ATG7: variants seen among roughly 807,000 people sequenced by gnomAD.
ATG7 encodes the protein ubiquitin-like modifier-activating enzyme ATG7.
In ATG7, 70 loss-of-function variants were observed where a neutral mutation model predicts 82.4. That is an observed-to-expected ratio of 0.85 (90% CI 0.70 to 1.04). The LOEUF (loss-of-function observed/expected upper bound fraction) is 1.04. Ranked by LOEUF, ATG7 falls within the 50% of genes least tolerant of loss-of-function variation. ATG7 has a pLI of 0.00. For synonymous variants in ATG7, 287 were observed against 313.0 expected (o/e 0.92, Z 0.88); for missense variants, 792 against 864.3 (o/e 0.92, Z 1.05).
chr3:11,375,554 AG>A (rs1374871173), intron 18 of ATG7, among the ~76,000 whole-genome samples: 1 of 110,180 alleles, frequency 9.1e-6, no homozygotes, highest in Non-Finnish European at 2.3e-5. Context: ...TTTGCTAGTG[AG>A]ATTTTTTTTT....
chr3:11,483,393 C>T (rs535242441), intron 20 of ATG7, among the ~76,000 whole-genome samples: 1 of 151,308 alleles, frequency 6.6e-6, no homozygotes, highest in African/African-American at 2.4e-5. Flanking sequence ...ACTGAGCTCC[C>T]AACACGCACA....
chr3:11,560,567 G>A (rs549326997), downstream of ATG7, among the ~76,000 whole-genome samples: 14 of 152,314 alleles, frequency 9.2e-5, no homozygotes, highest in African/African-American at 3.1e-4. Flanking sequence ...CATGATAGAC[G>A]ACAGTGATTG....
At chr3:11,498,277 A>G (rs895003816) in intron 20 of ATG7, among the ~76,000 whole-genome samples, 1 of 152,202 alleles carries the variant, frequency 6.6e-6, no homozygotes, top group Non-Finnish European at 1.5e-5. Context: ...CAAAACAGCA[A>G]TCTTCCCAGC....
At chr3:11,468,968 G>A (rs1294800801) in intron 20 of ATG7, among the ~76,000 whole-genome samples, 1 of 152,202 alleles carries the variant, frequency 6.6e-6, no homozygotes, top group Non-Finnish European at 1.5e-5. Context: ...AGCTGAAGCG[G>A]TGCACAGCTG....
intron 20 of ATG7, among the ~76,000 whole-genome samples, chr3:11,445,016 C>T (rs2084383226): frequency 6.6e-6 from 1 of 152,202 alleles, no homozygotes; most frequent in Non-Finnish European, 1.5e-5. Flanking sequence ...ATACATCTCA[C>T]ACCAGTCAGA....
At chr3:11,401,184 G>A (rs2079802569) in intron 19 of ATG7, among the ~76,000 whole-genome samples, 1 of 152,170 alleles carries the variant, frequency 6.6e-6, no homozygotes, top group Admixed American at 6.5e-5. Context: ...AGCTACTTCT[G>A]TTTTAACAAG....
Position 11,488,347 on chromosome 3 carries a change from G to T in ATG7, c.2079+61421G>T, listed in dbSNP as rs564918238. 5.1e-5 allele frequency: 31 copies of T among 607,644 alleles called. No homozygotes were observed. In the African/African-American group the frequency reaches 6.1e-4, roughly 12 times the overall value. 37.6% of individuals were successfully genotyped at this position (607,644 alleles called of 1,614,324 possible). ...GGGTCCGTCCGCTCCTCCAGCCGCT[G>T]CCTCCCGGGCGGCACTCGCCGGCGC... On this transcript the variant is annotated intron_variant, in intron 20 of 20. Transcript: ENST00000693202.
intron 11 of ATG7, among the ~76,000 whole-genome samples, chr3:11,335,269 C>A (rs1018537008): frequency 6.6e-6 from 1 of 151,866 alleles, no homozygotes; most frequent in African/African-American, 2.4e-5. Context: ...TTTATTAAAC[C>A]ACACTTAAAG....
chr3:11,434,451 C>T (rs774926495), intron 20 of ATG7, among the ~76,000 whole-genome samples: 8 of 152,166 alleles, frequency 5.3e-5, no homozygotes, highest in Admixed American at 2.0e-4. Context: ...GGACTGTGCC[C>T]TGCCTTGATT....
rs2079135369 is a variant in ATG7, at chr3:11,395,490, TG to T, written c.1956+15443del. On this transcript the variant is annotated intron_variant, in intron 19 of 20. Transcript: ENST00000693202. ...GAATATAAAGACATCTTAAAAGCAG[TG>T]GGGGATGGGGAAAAGACATTAACTT... Among the ~76,000 whole-genome samples, 3 of 152,002 alleles carry T rather than the reference TG, an allele frequency of 2.0e-5. 1 individual carries two copies. The South Asian group carries it at 6.3e-4, about 32-fold the overall frequency.
chr3:11,331,208 G>A (rs1242535435), intron 9 of ATG7, 132 bp from the exon 10 acceptor site: 1 of 740,234 alleles, frequency 1.4e-6, no homozygotes, highest in African/African-American at 1.8e-5. Context: ...CCTCCCCTTA[G>A]CCCTTTACCA....
chr3:11,336,036 A>ATTTTT lies in ATG7; in HGVS notation c.889+2962_889+2966dup, dbSNP rs541306159. On this transcript the variant is annotated intron_variant, in intron 11 of 20. Transcript: ENST00000693202. ...CAGGCATGAGCCACTGTGCCCGGTC[A>ATTTTT]TTTTTTTTTTTTTTTTTTTTTTTGA... Among the ~76,000 whole-genome samples, 106 of 111,718 alleles carry ATTTTT rather than the reference A, an allele frequency of 9.5e-4. 2 individuals carry two copies. Among genetic ancestry groups the ATTTTT allele is most frequent in the African/African-American group, 3.7e-3 (102 of 27,346 alleles). 73.3% of individuals were successfully genotyped at this position (111,718 alleles called of 152,430 possible).
chr3:11,342,560 T>A (rs1423799891), intron 13 of ATG7, among the ~76,000 whole-genome samples: 1 of 152,204 alleles, frequency 6.6e-6, no homozygotes, highest in African/African-American at 2.4e-5. Flanking sequence ...TGTAGACATA[T>A]CTAAATATAG....
At chr3:11,336,396 T>C (rs1257280666) in intron 11 of ATG7, among the ~76,000 whole-genome samples, 4 of 152,170 alleles carry the variant, frequency 2.6e-5, no homozygotes, top group Non-Finnish European at 5.9e-5. Context: ...TTTTCTGTCG[T>C]CCACTAATGC....
At chr3:11,505,518 A>G (rs1361412680) in intron 20 of ATG7, among the ~76,000 whole-genome samples, 1 of 152,182 alleles carries the variant, frequency 6.6e-6, no homozygotes, top group African/African-American at 2.4e-5. Flanking sequence ...AAGAGAGGAA[A>G]ATGAGAGGTC....
chr3:11,298,727 C>T lies in ATG7; in HGVS notation c.32C>T (p.Ser11Phe), dbSNP rs145078554. ...GCAGCTACGGGGGATCCTGGACTCT[C>T]TAAACTGCAGTTTGCCCCTTTTAGT... Reference protein sequence around the residue: MAAATGDPGLSKLQFAPFSSA... With the variant: MAAATGDPGLFKLQFAPFSSA... The change falls in exon 4 of 21, where the codon TCT becomes TTT. Residue 11 changes from serine to phenylalanine, a missense_variant. Physicochemically the swap from Ser to Phe is radical, Grantham distance 155. Transcript: ENST00000693202. 1 of 1,614,084 alleles carries T rather than the reference C, an allele frequency of 6.2e-7. No homozygotes were observed. The highest frequency in any genetic ancestry group is 1.3e-5 in the African/African-American group (1 of 74,938).
chr3:11,306,657 G>C (rs1193557398), intron 5 of ATG7, among the ~76,000 whole-genome samples: 1 of 152,180 alleles, frequency 6.6e-6, no homozygotes, highest in Admixed American at 6.5e-5. Context: ...TCAGGTTAAA[G>C]GTGGGAAAGA....
At chr3:11,479,929 ATTT>A (rs1240114722) in intron 20 of ATG7, among the ~76,000 whole-genome samples, 2 of 140,804 alleles carry the variant, frequency 1.4e-5, no homozygotes, top group Non-Finnish European at 1.6e-5. Context: ...CCTGGAATCA[ATTT>A]TTTTTTTTTT....
At chr3:11,525,587 C>T (rs1413611434) in intron 20 of ATG7, among the ~76,000 whole-genome samples, 1 of 139,280 alleles carries the variant, frequency 7.2e-6, no homozygotes, top group Non-Finnish European at 1.5e-5. Flanking sequence ...CGGAGTCTTG[C>T]TCTGTCGCCC....
Sources: allele counts gnomAD v4.1 joint callset (sites outside exome capture counted in the v4.1 genomes callset), GRCh38; gene constraint gnomAD v4.1.1; transcripts MANE v1.5; gene names NCBI Gene and HGNC (gene_info 2026-07-23, HGNC 2026-07-21).